The following CRPPA variants were observed in gnomAD, a reference collection of about 807,000 sequenced individuals.
CRPPA encodes CDP-L-ribitol pyrophosphorylase A.
A neutral mutation model predicts 52.0 loss-of-function variants in CRPPA; 43 were observed. The ratio of observed to expected loss-of-function variants is 0.83; its 90% CI spans 0.65 to 1.07. CRPPA has a LOEUF of 1.07. Among genes scored for constraint, CRPPA ranks in the 50% least tolerant of loss-of-function variants. CRPPA has a pLI of 0.00. For synonymous variants in CRPPA, 250 were observed against 203.5 expected, an observed-to-expected ratio of 1.23 and a Z score of -1.94; for missense variants, 629 against 551.7, an observed-to-expected ratio of 1.14 and a Z score of -1.40.
At chr7:16,358,141 G>A (rs1786351340) in intron 3 of CRPPA, among the ~76,000 whole-genome samples, 1 of 151,742 alleles carries the variant, frequency 6.6e-6, no homozygotes, top group Non-Finnish European at 1.5e-5. Context: ...GAGAACAGCA[G>A]GCCAGACTGG....
At chr7:16,236,573 C>A (rs1488278871) in intron 8 of CRPPA, among the ~76,000 whole-genome samples, 1 of 152,102 alleles carries the variant, frequency 6.6e-6, no homozygotes, top group African/African-American at 2.4e-5. Flanking sequence ...ACTTTCCATA[C>A]AAGAACAGTT....
At chr7:16,143,759 C>A (rs1480671485) in intron 9 of CRPPA, among the ~76,000 whole-genome samples, 1 of 151,980 alleles carries the variant, frequency 6.6e-6, no homozygotes, top group East Asian at 1.9e-4. Context: ...AAATGCAGGG[C>A]AATTTTCAGA....
At chr7:16,387,090 C>T (rs200286260) in intron 2 of CRPPA, among the ~76,000 whole-genome samples, 496 of 43,054 alleles carry the variant, frequency 0.012, 14 homozygotes, top group African/African-American at 0.034. Flanking sequence ...TATATATACA[C>T]ACATATATAT....
At chr7:16,115,834 T>A (rs1782359478) in intron 9 of CRPPA, among the ~76,000 whole-genome samples, 1 of 151,956 alleles carries the variant, frequency 6.6e-6, no homozygotes, top group African/African-American at 2.4e-5. Context: ...ATCCATAAAA[T>A]AAGACTAATA....
At position 16,374,411 on chromosome 7, in the gene CRPPA, C is replaced by T. The variant is rs530133551; in HGVS notation, c.684+1681G>A. Reference sequence around the variant, plus strand: ...TGAACCACTACCAGCTTCTTTCTTCCCCAGCTTGCAGACGGCCTATTGTGG... The same window carrying T: ...TGAACCACTACCAGCTTCTTTCTTCTCCAGCTTGCAGACGGCCTATTGTGG... On this transcript the variant is annotated intron_variant, in intron 3 of 9. Transcript: ENST00000407010. 4.6e-5 allele frequency among the ~76,000 whole-genome samples: 7 copies of T among 152,216 alleles called. 1 individual carries two copies. The highest frequency in any genetic ancestry group is 1.7e-4 in the African/African-American group (7 of 41,526).
chr7:16,369,475 G>A (rs1420059868), intron 3 of CRPPA, among the ~76,000 whole-genome samples: 3 of 152,194 alleles, frequency 2.0e-5, no homozygotes, highest in South Asian at 2.1e-4. Flanking sequence ...CCTGTCTTTG[G>A]TTTTACTTCC....
At chr7:16,215,553 C>A (rs1054368525) in intron 9 of CRPPA, among the ~76,000 whole-genome samples, 1 of 152,136 alleles carries the variant, frequency 6.6e-6, no homozygotes, top group Non-Finnish European at 1.5e-5. Flanking sequence ...ATCTGAATGC[C>A]AGGCAGTGCT....
chr7:16,254,792 GGAAAGAAAGAAAGAAA>G lies in CRPPA; in HGVS notation c.1119+3582_1119+3597del, dbSNP rs56908194. ...CACACAGAAAGAAAGAAAGAAAGAAGGAAAGAAAGAAAGAAAGAAAGAAAGAAAGAAAGAAAGAAAG... is the reference window on the plus strand; with the variant it reads ...CACACAGAAAGAAAGAAAGAAAGAAGGAAAGAAAGAAAGAAAGAAAGAAAG... On this transcript the variant is annotated intron_variant, in intron 8 of 9. Coordinates refer to ENST00000407010, the MANE Select transcript of CRPPA (RefSeq NM_001101426.4). 8.0e-3 allele frequency among the ~76,000 whole-genome samples: 812 copies of G among 101,738 alleles called. 5 individuals are homozygous for G. The highest frequency in any genetic ancestry group is 8.6e-3 in the Non-Finnish European group (444 of 51,582). The allele number at this position is 101,738 out of a possible 152,430, so 66.7% of individuals were successfully genotyped here. A position where few individuals can be genotyped will look rare whatever the true frequency, so the allele number is the denominator to read the frequency against.
intron 9 of CRPPA, among the ~76,000 whole-genome samples, chr7:16,094,928 A>G (rs903080822): frequency 6.6e-6 from 1 of 152,144 alleles, no homozygotes; most frequent in Non-Finnish European, 1.5e-5. Flanking sequence ...TAAAAGTAAC[A>G]TGGGGTACTG....
intron 2 of CRPPA, among the ~76,000 whole-genome samples, chr7:16,380,691 A>G (rs549580791): frequency 6.6e-6 from 1 of 152,312 alleles, no homozygotes; most frequent in South Asian, 2.1e-4. Context: ...CTACTCAGCG[A>G]TTCAACTTCT....
At chr7:16,171,904 C>T (rs6963052) in intron 9 of CRPPA, among the ~76,000 whole-genome samples, 55,422 of 152,074 alleles carry the variant, frequency 0.36, 10,424 homozygotes, top group Admixed American at 0.45. Context: ...TATCCCTCTT[C>T]GACCAATCTT....
intron 1 of CRPPA, among the ~76,000 whole-genome samples, chr7:16,417,343 A>G (rs933092856): frequency 6.6e-6 from 1 of 152,202 alleles, no homozygotes; most frequent in Non-Finnish European, 1.5e-5. Context: ...TGCATGCACC[A>G]TGTTCATCAC....
intron 9 of CRPPA, among the ~76,000 whole-genome samples, chr7:16,095,721 T>C (rs1023594423): frequency 6.6e-6 from 1 of 152,124 alleles, no homozygotes; most frequent in African/African-American, 2.4e-5. Flanking sequence ...AGCATAGCAA[T>C]CTCTCTGGGT....
chr7:16,323,178 T>A (rs1785300953), intron 3 of CRPPA, among the ~76,000 whole-genome samples: 1 of 152,154 alleles, frequency 6.6e-6, no homozygotes, highest in African/African-American at 2.4e-5. Context: ...AGTCTCCAGA[T>A]AAAGAGATGC....
At chr7:16,396,026 T>A (rs1468366922) in intron 2 of CRPPA, among the ~76,000 whole-genome samples, 2 of 152,226 alleles carry the variant, frequency 1.3e-5, no homozygotes, top group Admixed American at 1.3e-4. Context: ...TTTGTCGAAA[T>A]AAACCTGGGT....
chr7:16,211,172 A>G (rs1329410746), intron 9 of CRPPA, among the ~76,000 whole-genome samples: 1 of 152,248 alleles, frequency 6.6e-6, no homozygotes, highest in Non-Finnish European at 1.5e-5. Flanking sequence ...ACATATATCT[A>G]AGTAAAACAA....
chr7:16,127,018 T>C lies in CRPPA; in HGVS notation c.1252-35219A>G, dbSNP rs142271951. Among the ~76,000 whole-genome samples, 823 of 152,286 alleles carry C rather than the reference T, an allele frequency of 5.4e-3. 9 individuals are homozygous for C. The highest frequency in any genetic ancestry group is 5.9e-3 in the Non-Finnish European group (400 of 67,994). On this transcript the variant is annotated intron_variant, in intron 9 of 9. Coordinates refer to ENST00000407010, the MANE Select transcript of CRPPA (RefSeq NM_001101426.4). ...ATACTGTGTTAAGTAAAAGTTGTAA[T>C]AATATGCAGACAATGTTCTCTCACA... is the stretch of plus-strand genomic sequence containing the variant.
chr7:16,346,556 C>A (rs1236436798), intron 3 of CRPPA, among the ~76,000 whole-genome samples: 1 of 151,958 alleles, frequency 6.6e-6, no homozygotes, highest in Non-Finnish European at 1.5e-5. Context: ...AGATAATTAG[C>A]AGAGGCAATA....
At chr7:16,236,330 G>C (rs1782949355) in intron 8 of CRPPA, among the ~76,000 whole-genome samples, 1 of 151,986 alleles carries the variant, frequency 6.6e-6, no homozygotes, top group South Asian at 2.1e-4. Flanking sequence ...GGACTACCTT[G>C]ACAACACTTG....
Sources: gnomAD v4.1 joint callset for allele counts (sites outside exome capture counted in the v4.1 genomes callset) on GRCh38, gnomAD v4.1.1 for gene constraint, MANE v1.5 for transcripts, NCBI Gene and HGNC (gene_info 2026-07-23, HGNC 2026-07-21) for gene names.